Variants in GRM7 observed in about 807,000 individuals in gnomAD.
GRM7 encodes glutamate metabotropic receptor 7.
Under a neutral mutation model 84.5 loss-of-function variants are expected in GRM7, and 35 were observed. The ratio of observed to expected loss-of-function variants is 0.41; its 90% CI spans 0.32 to 0.55. GRM7 has a LOEUF of 0.55. Among genes scored for constraint, GRM7 ranks in the 20% least tolerant of loss-of-function variants. The pLI is 0.19. For synonymous variants in GRM7, 487 were observed against 455.1 expected (o/e 1.07, Z -0.89); for missense variants, 1,003 against 1,194.6 (o/e 0.84, Z 2.36).
intron 1 of GRM7, among the ~76,000 whole-genome samples, chr3:7,063,453 C>T (rs991906009): frequency 2.0e-5 from 3 of 151,816 alleles, no homozygotes; most frequent in Middle Eastern, 3.4e-3. Context: ...AACACACTAG[C>T]TACACCTCAG....
At chr3:7,272,377 A>T (rs1320179260) in intron 2 of GRM7, among the ~76,000 whole-genome samples, 1 of 152,174 alleles carries the variant, frequency 6.6e-6, no homozygotes, top group Non-Finnish European at 1.5e-5. Flanking sequence ...GTCAGTGCTG[A>T]GTATGTGTCA....
intron 7 of GRM7, among the ~76,000 whole-genome samples, chr3:7,573,881 A>G (rs1312561049): frequency 6.6e-6 from 1 of 152,210 alleles, no homozygotes; most frequent in African/African-American, 2.4e-5. Context: ...CACACTAAGA[A>G]GGTTTGCATG....
intron 1 of GRM7, among the ~76,000 whole-genome samples, chr3:6,978,040 G>A (rs1044299544): frequency 5.4e-5 from 8 of 149,476 alleles, no homozygotes; most frequent in South Asian, 2.1e-4. Flanking sequence ...ACCTGTACAC[G>A]TGAGCTTATT....
chr3:7,721,253 C>G (rs1158408279), intron 9 of GRM7, among the ~76,000 whole-genome samples: 1 of 152,172 alleles, frequency 6.6e-6, no homozygotes, highest in African/African-American at 2.4e-5. Context: ...TCATCCCACA[C>G]AGTTTTCAGT....
intron 9 of GRM7, among the ~76,000 whole-genome samples, chr3:7,728,359 T>C (rs940375596): frequency 3.3e-5 from 5 of 152,188 alleles, no homozygotes; most frequent in Non-Finnish European, 7.4e-5. Flanking sequence ...CCAGTGCTTA[T>C]ATATGTTTCA....
chr3:6,994,264 G>C (rs184935016), intron 1 of GRM7, among the ~76,000 whole-genome samples: 1 of 152,114 alleles, frequency 6.6e-6, no homozygotes, highest in East Asian at 1.9e-4. Context: ...GACTTTGATG[G>C]TGAAGGAGCA....
At chr3:6,891,698 A>G (rs58233129) in intron 1 of GRM7, among the ~76,000 whole-genome samples, 1 of 152,132 alleles carries the variant, frequency 6.6e-6, no homozygotes, top group African/African-American at 2.4e-5. Context: ...GGCAAATCTG[A>G]CAATTATGTG....
chr3:7,694,913 AT>A (rs1700960245), intron 9 of GRM7, among the ~76,000 whole-genome samples: 1 of 152,192 alleles, frequency 6.6e-6, no homozygotes, highest in African/African-American at 2.4e-5. Context: ...GGTCACCTGT[AT>A]TTAACAAGCT....
At chr3:7,287,994 G>C (rs1210850689) in intron 2 of GRM7, among the ~76,000 whole-genome samples, 2 of 152,096 alleles carry the variant, frequency 1.3e-5, no homozygotes, top group African/African-American at 4.8e-5. Flanking sequence ...AATGTGGCAA[G>C]CTGTTATCCA....
chr3:7,288,596 C>T (rs1216086074), intron 2 of GRM7, among the ~76,000 whole-genome samples: 2 of 152,008 alleles, frequency 1.3e-5, no homozygotes, highest in Admixed American at 6.6e-5. Flanking sequence ...CATTACGTGG[C>T]AGTGTTCAAA....
At chr3:7,216,199 G>T (rs1211527585) in intron 2 of GRM7, among the ~76,000 whole-genome samples, 2 of 152,118 alleles carry the variant, frequency 1.3e-5, no homozygotes, top group Non-Finnish European at 2.9e-5. Context: ...AATTGAACAG[G>T]TGACTTTATG....
chr3:7,357,362 C>G (rs28529844), intron 4 of GRM7, among the ~76,000 whole-genome samples: 325 of 152,122 alleles, frequency 2.1e-3, no homozygotes, highest in African/African-American at 7.4e-3. Context: ...AATTCAGAAC[C>G]TCTTAATTAC....
At chr3:7,415,523 A>G (rs1267554338) in intron 5 of GRM7, among the ~76,000 whole-genome samples, 1 of 152,146 alleles carries the variant, frequency 6.6e-6, no homozygotes. Context: ...AACTGTTACC[A>G]TGGACAGTAT....
chr3:7,222,944 C>A (rs1696859368), intron 2 of GRM7, among the ~76,000 whole-genome samples: 1 of 152,166 alleles, frequency 6.6e-6, no homozygotes, highest in Non-Finnish European at 1.5e-5. Context: ...TAAATGACAG[C>A]ATATCTGGAT....
intron 1 of GRM7, among the ~76,000 whole-genome samples, chr3:6,960,220 CCT>C (rs1423045789): frequency 1.3e-5 from 2 of 152,160 alleles, no homozygotes; most frequent in African/African-American, 4.8e-5. Context: ...CTCTTCCCGA[CCT>C]CTTTCCAGTG....
intron 4 of GRM7, among the ~76,000 whole-genome samples, chr3:7,380,035 T>G (rs1694522113): frequency 6.6e-6 from 1 of 152,198 alleles, no homozygotes; most frequent in East Asian, 1.9e-4. Context: ...CTACTCCATT[T>G]CGAAATGATA....
intron 2 of GRM7, among the ~76,000 whole-genome samples, chr3:7,253,188 A>G (rs78763374): frequency 0.033 from 5,003 of 152,136 alleles, 264 homozygotes; most frequent in African/African-American, 0.11. Context: ...GTTCATTTAC[A>G]TCAACCCTTC....
chr3:7,537,685 A>G (rs369094153), intron 7 of GRM7, among the ~76,000 whole-genome samples: 12 of 152,214 alleles, frequency 7.9e-5, no homozygotes, highest in South Asian at 2.1e-4. Context: ...AGGAGGGCCT[A>G]TTCTACAAAG....
chr3:7,279,001 T>C (rs1699167633), intron 2 of GRM7, among the ~76,000 whole-genome samples: 1 of 152,212 alleles, frequency 6.6e-6, no homozygotes, highest in Non-Finnish European at 1.5e-5. Context: ...TAATTCCTTT[T>C]CAACCTTGAG....
Sources: gnomAD v4.1 joint callset for allele counts (sites outside exome capture counted in the v4.1 genomes callset) on GRCh38, gnomAD v4.1.1 for gene constraint, MANE v1.5 for transcripts, NCBI Gene and HGNC (gene_info 2026-07-23, HGNC 2026-07-21) for gene names.